The following DYNLL1 variants were observed in gnomAD, a reference collection of about 807,000 sequenced individuals.
DYNLL1 encodes dynein light chain 1, cytoplasmic.
Under a neutral mutation model 10.1 loss-of-function variants are expected in DYNLL1, and 3 were observed. The ratio of observed to expected loss-of-function variants is 0.30; its 90% CI spans 0.14 to 0.77. DYNLL1 has a LOEUF of 0.77. DYNLL1 is among the 30% of genes least tolerant of loss of function. The probability of loss-of-function intolerance (pLI) is 0.66; values close to 1 mark genes in which losing one functional copy is unlikely to be tolerated. For missense variants in DYNLL1, 47 were observed against 111.7 expected, an observed-to-expected ratio of 0.42 and a Z score of 2.61; for synonymous variants, 46 against 41.2, an observed-to-expected ratio of 1.12 and a Z score of -0.45.
chr12:120,477,958 T>C (rs1409711563), intron 1 of DYNLL1, among the ~76,000 whole-genome samples: 3 of 151,514 alleles, frequency 2.0e-5, no homozygotes, highest in East Asian at 3.9e-4. Context: ...TGGCTAATTT[T>C]TTTTTGTATT....
chr12:120,471,540 A>G (rs1204673369), intron 1 of DYNLL1, among the ~76,000 whole-genome samples: 2 of 152,162 alleles, frequency 1.3e-5, no homozygotes, highest in Non-Finnish European at 2.9e-5. Flanking sequence ...TTTGGAATAC[A>G]AGTTGATAGT....
upstream of DYNLL1, chr12:120,491,507 T>A (rs1344656936): frequency 3.3e-5 from 5 of 152,294 alleles, no homozygotes; most frequent in Non-Finnish European, 7.3e-5. Flanking sequence ...AAGGGAGGGT[T>A]AGAGCTGCTA....
chr12:120,496,597 G>C (rs763379402), intron 2 of DYNLL1, 44 bp downstream of exon 2: 2 of 1,613,934 alleles, frequency 1.2e-6, no homozygotes, highest in East Asian at 2.2e-5. Context: ...GGAGCAGGGG[G>C]TTCCTTCCCC....
chr12:120,490,475 A>C (rs1260876542), intron 1 of DYNLL1: 1 of 152,190 alleles, frequency 6.6e-6, no homozygotes, highest in African/African-American at 2.4e-5. Flanking sequence ...CCCGCCTCTT[A>C]GTCTACACCG....
chr12:120,475,701 C>T (rs1326180302), intron 1 of DYNLL1, among the ~76,000 whole-genome samples: 1 of 151,960 alleles, frequency 6.6e-6, no homozygotes, highest in African/African-American at 2.4e-5. Flanking sequence ...TTGTAATAGC[C>T]AAATGTGGCT....
chr12:120,496,079 G>T, upstream of DYNLL1: 1 of 412,342 alleles, frequency 2.4e-6, no homozygotes, highest in Non-Finnish European at 4.5e-6. Flanking sequence ...CGGGGCCTGA[G>T]CACTAGGCGG....
At position 120,474,429 on chromosome 12, in the gene DYNLL1, G is replaced by GA. The variant is rs199734426; in HGVS notation, c.-7+4332dup. Among the ~76,000 whole-genome samples, 732 of 117,680 alleles carry GA rather than the reference G, an allele frequency of 6.2e-3. 2 individuals carry two copies. The highest frequency in any genetic ancestry group is 7.3e-3 in the Non-Finnish European group (436 of 59,656). 77.2% of individuals were successfully genotyped at this position (117,680 alleles called of 152,430 possible). ...CCAGAGTGTAGGGCAGTGCCCAACT[G>GA]AAAAAAACAACATAAAAAAAAAAAA... On this transcript the variant is annotated intron_variant, in intron 1 of 2. Coordinates refer to the DYNLL1 transcript ENST00000392509.
intron 1 of DYNLL1, among the ~76,000 whole-genome samples, chr12:120,472,541 T>A (rs1878673046): frequency 6.6e-6 from 1 of 152,020 alleles, no homozygotes; most frequent in Non-Finnish European, 1.5e-5. Context: ...TTAATACCAT[T>A]CTCTGAGTCC....
Position 120,498,347 on chromosome 12 carries a change from C to G in DYNLL1, c.*137C>G, listed in dbSNP as rs571009923. On this transcript the variant is annotated 3_prime_UTR_variant, in exon 3 of 3. Transcript: ENST00000242577. ...GTTTGAACCTTTGTTGTGTTTTGTA[C>G]AGGGCATTCTCTGTACTAGTTTGTC... 1 of 1,072,870 alleles carries G rather than the reference C, an allele frequency of 9.3e-7. No individual in the cohort carries two copies. Among genetic ancestry groups the G allele is most frequent in the African/African-American group, 1.6e-5 (1 of 62,880 alleles). The allele number at this position is 1,072,870 out of a possible 1,614,324, so 66.5% of individuals were successfully genotyped here. A position where few individuals can be genotyped will look rare whatever the true frequency, so the allele number is the denominator to read the frequency against.
upstream of DYNLL1, among the ~76,000 whole-genome samples, chr12:120,492,408 A>C (rs970801567): frequency 1.3e-5 from 2 of 152,050 alleles, no homozygotes; most frequent in African/African-American, 4.8e-5. This position sits in a 1 kb window ranked among gnomAD's most constrained non-coding sequence, Gnocchi z 4.1. Context: ...TCTCTACTAA[A>C]ATACAAAGAT....
intron 1 of DYNLL1, among the ~76,000 whole-genome samples, chr12:120,473,692 CAAA>C (rs1227211097): frequency 2.0e-4 from 15 of 75,454 alleles, no homozygotes; most frequent in Admixed American, 4.9e-4. Context: ...GACTCTGTCT[CAAA>C]AAAAAAAAAA....
upstream of DYNLL1, chr12:120,493,945 A>C (rs919391311): frequency 1.3e-5 from 2 of 152,068 alleles, no homozygotes; most frequent in Non-Finnish European, 2.9e-5. Flanking sequence ...ATGAACAATT[A>C]CATTACTATA....
At chr12:120,483,305 T>C (rs930536199) in intron 1 of DYNLL1, among the ~76,000 whole-genome samples, 2 of 150,108 alleles carry the variant, frequency 1.3e-5, no homozygotes, top group Non-Finnish European at 1.5e-5. Flanking sequence ...GCTACTGTAC[T>C]CTAGCCTGGA....
rs1343231760 is a variant in DYNLL1, at chr12:120,482,721, C to T, written c.-7+12617C>T. ...TCAGAGGACTCACATACTCACATTA[C>T]CCAACTTCAAGACTCACTATAAAGT... On this transcript the variant is annotated intron_variant, in intron 1 of 2. Transcript: ENST00000392509. 3.3e-5 allele frequency among the ~76,000 whole-genome samples: 5 copies of T among 151,938 alleles called. No individual in the cohort carries two copies. In the East Asian group the frequency reaches 5.8e-4, roughly 18 times the overall value.
At chr12:120,497,997 G>T in intron 2 of DYNLL1, 76 bp from the exon 3 acceptor site, 1 of 1,460,932 alleles carries the variant, frequency 6.8e-7, no homozygotes. Flanking sequence ...TGCCCCTACA[G>T]GCTCTGGCTT....
At chr12:120,472,935 A>G (rs1415216327) in intron 1 of DYNLL1, among the ~76,000 whole-genome samples, 1 of 152,210 alleles carries the variant, frequency 6.6e-6, no homozygotes, top group Non-Finnish European at 1.5e-5. Context: ...CAAAGGGTTC[A>G]TAGGTTCCAT....
At chr12:120,496,878 G>A (rs556597420) in intron 2 of DYNLL1, 6 of 530,184 alleles carry the variant, frequency 1.1e-5, no homozygotes, top group African/African-American at 3.8e-5. Flanking sequence ...TGTTCCGGAG[G>A]GGGGAGCTGC....
chr12:120,485,205 A>AC (rs1193932633), intron 1 of DYNLL1, among the ~76,000 whole-genome samples: 1 of 145,824 alleles, frequency 6.9e-6, no homozygotes, highest in Admixed American at 6.9e-5. Flanking sequence ...TGAGAGTGGG[A>AC]CCCCATCTTT....
intron 1 of DYNLL1, chr12:120,488,518 A>C (rs1310306165): frequency 1.3e-5 from 2 of 152,196 alleles, no homozygotes; most frequent in Admixed American, 1.3e-4. Context: ...CATAAAATCT[A>C]AACTCCAAAA....
Sources: allele counts gnomAD v4.1 joint callset (sites outside exome capture counted in the v4.1 genomes callset), GRCh38; gene constraint gnomAD v4.1.1; non-coding constraint Gnocchi (gnomAD v3.1); transcripts MANE v1.5; gene names NCBI Gene and HGNC (gene_info 2026-07-23, HGNC 2026-07-21).